The following GRIN2B variants were observed in gnomAD, a reference collection of about 807,000 sequenced individuals.
GRIN2B encodes glutamate ionotropic receptor NMDA type subunit 2B.
Under a neutral mutation model 114.5 loss-of-function variants are expected in GRIN2B, and 5 were observed. The observed-to-expected ratio is 0.04, with a 90% confidence interval of 0.02 to 0.09. The LOEUF is 0.09. Ranked by LOEUF, GRIN2B falls within the 10% of genes least tolerant of loss-of-function variation. The pLI, the probability that GRIN2B is intolerant of heterozygous loss-of-function variation, is 1.00. For missense variants in GRIN2B, 1,108 were observed against 1,943.5 expected (o/e 0.57, Z 8.08); for synonymous variants, 787 against 745.1 (o/e 1.06, Z -0.92).
intron 4 of GRIN2B, among the ~76,000 whole-genome samples, chr12:13,743,119 G>C (rs1358465568): frequency 1.3e-5 from 2 of 152,156 alleles, no homozygotes; most frequent in Non-Finnish European, 2.9e-5. Flanking sequence ...CCACACCATA[G>C]ATAACCCAAC....
chr12:13,972,082 C>T (rs1207540940), intron 2 of GRIN2B, among the ~76,000 whole-genome samples: 2 of 152,214 alleles, frequency 1.3e-5, no homozygotes, highest in Non-Finnish European at 2.9e-5. Flanking sequence ...CTTGCCCAGT[C>T]ATTCTCAAAT....
chr12:13,864,136 C>T (rs1207985178), intron 3 of GRIN2B, among the ~76,000 whole-genome samples: 1 of 152,160 alleles, frequency 6.6e-6, no homozygotes, highest in African/African-American at 2.4e-5. Context: ...AACATCTGTA[C>T]CTGCACCCAC....
intron 4 of GRIN2B, among the ~76,000 whole-genome samples, chr12:13,707,328 G>A (rs974411719): frequency 2.0e-5 from 3 of 152,054 alleles, no homozygotes; most frequent in South Asian, 2.1e-4. Flanking sequence ...ACTCTTTAAC[G>A]GATATTTTAT....
intron 3 of GRIN2B, among the ~76,000 whole-genome samples, chr12:13,761,410 TCA>T (rs1863677774): frequency 6.6e-6 from 1 of 152,132 alleles, no homozygotes; most frequent in African/African-American, 2.4e-5. Flanking sequence ...ATATTCTAGG[TCA>T]CAGAGACAAC....
intron 3 of GRIN2B, among the ~76,000 whole-genome samples, chr12:13,775,705 C>T (rs982500049): frequency 5.3e-5 from 8 of 152,100 alleles, no homozygotes; most frequent in African/African-American, 1.4e-4. Flanking sequence ...GTGTACCATG[C>T]CCCATAGTTA....
rs1027815603 is a variant in GRIN2B at position 13,810,369 on chromosome 12, T to TGC, written c.411+55427_411+55428dup. ...TAGCGGGGATATTTGTGTGTGTGTG[T>TGC]GCGCGCATTTGGTTTTCCATCTGTG... On this transcript the variant is annotated intron_variant, in intron 3 of 13. Transcript: ENST00000609686. 2.6e-4 allele frequency among the ~76,000 whole-genome samples: 40 copies of TGC among 151,896 alleles called. 1 individual carries two copies. The highest frequency in any genetic ancestry group is 8.5e-4 in the African/African-American group (35 of 41,392).
chr12:13,907,836 G>A (rs1356097689), intron 2 of GRIN2B, among the ~76,000 whole-genome samples: 1 of 152,052 alleles, frequency 6.6e-6, no homozygotes, highest in African/African-American at 2.4e-5. Context: ...GCAAATTACA[G>A]ATTTAATTAT....
At chr12:13,609,160 T>G (rs1020583510) in intron 9 of GRIN2B, among the ~76,000 whole-genome samples, 3 of 152,142 alleles carry the variant, frequency 2.0e-5, no homozygotes, top group Non-Finnish European at 4.4e-5. Flanking sequence ...ACATCAAAAC[T>G]GAGTAAAACA....
At chr12:13,891,551 A>G (rs1866262471) in intron 2 of GRIN2B, among the ~76,000 whole-genome samples, 1 of 152,156 alleles carries the variant, frequency 6.6e-6, no homozygotes, top group Non-Finnish European at 1.5e-5. Context: ...GACTGTCAGC[A>G]GTCTGCTTAA....
At chr12:13,891,592 G>A (rs1866263005) in intron 2 of GRIN2B, among the ~76,000 whole-genome samples, 1 of 150,494 alleles carries the variant, frequency 6.6e-6, no homozygotes, top group Non-Finnish European at 1.5e-5. Flanking sequence ...CTCACCTACT[G>A]TACAAATGTG....
intron 3 of GRIN2B, among the ~76,000 whole-genome samples, chr12:13,764,183 C>CAAA (rs111977459): frequency 1.0e-4 from 11 of 106,452 alleles, no homozygotes; most frequent in African/African-American, 3.0e-4. Flanking sequence ...ATATCCATAC[C>CAAA]AAAAAAAAAA....
At chr12:13,654,668 T>C (rs1329372770) in intron 5 of GRIN2B, among the ~76,000 whole-genome samples, 1 of 152,162 alleles carries the variant, frequency 6.6e-6, no homozygotes, top group East Asian at 1.9e-4. Context: ...CTGTTTTTCT[T>C]TCATAGATGA....
chr12:13,611,738 G>A lies in GRIN2B; in HGVS notation c.1767C>T (p.Leu589=), dbSNP rs763286576. Residue 589 remains leucine (L), a synonymous_variant, in exon 9 of 14, where the codon CTC becomes CTT. Coordinates refer to ENST00000609686, the MANE Select transcript of GRIN2B (RefSeq NM_000834.5). ...AGCCGGCCTTACCTCTGCCATCAGC[G>A]AGGCACCTGTTATAACCCACAGGGC... ...YFSPVGYNRC[L]ADGREPGGPS... The A allele has an allele frequency of 1.1e-5, 18 of 1,613,666 alleles. No individual in the cohort carries two copies. The East Asian group carries it at 1.8e-4, about 16-fold the overall frequency.
At chr12:13,823,567 T>C (rs1387632503) in intron 3 of GRIN2B, among the ~76,000 whole-genome samples, 1 of 152,128 alleles carries the variant, frequency 6.6e-6, no homozygotes, top group Non-Finnish European at 1.5e-5. Context: ...GTAAATTCCT[T>C]AGAATTTTCT....
rs1370652121 is a variant in GRIN2B at position 13,567,272 on chromosome 12, AG to A, written c.2360-10del. On this transcript the variant is annotated splice_polypyrimidine_tract_variant and intron_variant, in intron 12 of 13. Coordinates refer to ENST00000609686, the MANE Select transcript of GRIN2B (RefSeq NM_000834.5). Reference sequence around the variant, plus strand: ...CAGTTCTTCCATCTCCCCTGGGGAAAGGACAGAGAAGGAAAATGGATAAAAA... The same window carrying A: ...CAGTTCTTCCATCTCCCCTGGGGAAAGACAGAGAAGGAAAATGGATAAAAA... 2.5e-6 allele frequency: 4 copies of A among 1,584,576 alleles called. No individual in the cohort carries two copies. The highest frequency in any genetic ancestry group is 3.3e-5 in the Admixed American group (2 of 59,958).
At chr12:13,618,722 C>T (rs1591644813) in intron 5 of GRIN2B, among the ~76,000 whole-genome samples, 1 of 152,184 alleles carries the variant, frequency 6.6e-6, no homozygotes, top group Non-Finnish European at 1.5e-5. Context: ...TACCTTGATA[C>T]AGTTAACTTC....
intron 5 of GRIN2B, among the ~76,000 whole-genome samples, chr12:13,645,270 G>A (rs1417535844): frequency 6.6e-6 from 1 of 152,072 alleles, no homozygotes; most frequent in African/African-American, 2.4e-5. Flanking sequence ...GAGATCCAAG[G>A]AGAGGAAGAG....
At chr12:13,607,871 G>C (rs1591638068) in intron 10 of GRIN2B, among the ~76,000 whole-genome samples, 1 of 152,174 alleles carries the variant, frequency 6.6e-6, no homozygotes, top group Non-Finnish European at 1.5e-5. Flanking sequence ...CCCTAGTCCT[G>C]GTTACATAGT....
Position 13,867,755 on chromosome 12 carries a change from C to T in GRIN2B, c.-18-1529G>A, listed in dbSNP as rs568197944. On this transcript the variant is annotated intron_variant, in intron 2 of 13. Coordinates refer to ENST00000609686, the MANE Select transcript of GRIN2B (RefSeq NM_000834.5). ...GCATTATAACACCAGCATGCCAATACATAAACACAGCATTTTAATACTCCA... is the reference window on the plus strand; with the variant it reads ...GCATTATAACACCAGCATGCCAATATATAAACACAGCATTTTAATACTCCA... 4.6e-5 allele frequency among the ~76,000 whole-genome samples: 7 copies of T among 152,124 alleles called. No individual in the cohort carries two copies. In the South Asian group the frequency reaches 1.5e-3, roughly 32 times the overall value.
Sources: gnomAD v4.1 joint callset for allele counts (sites outside exome capture counted in the v4.1 genomes callset) on GRCh38, gnomAD v4.1.1 for gene constraint, MANE v1.5 for transcripts, NCBI Gene and HGNC (gene_info 2026-07-23, HGNC 2026-07-21) for gene names.